PRDM5: variants seen among roughly 807,000 people sequenced by gnomAD.
PRDM5 encodes PR domain zinc finger protein 5.
PRDM5 carries 56 observed loss-of-function variants against 81.2 expected under a neutral mutation model. The observed-to-expected ratio is 0.69, with a 90% CI of 0.56 to 0.86. The LOEUF (loss-of-function observed/expected upper bound fraction) is 0.86. Among genes scored for constraint, PRDM5 ranks in the 40% least tolerant of loss-of-function variants. The pLI, the probability that PRDM5 is intolerant of heterozygous loss-of-function variation, is 0.00. For missense variants in PRDM5, 697 were observed against 770.1 expected, an observed-to-expected ratio of 0.91 and a Z score of 1.12; for synonymous variants, 267 against 256.4, an observed-to-expected ratio of 1.04 and a Z score of -0.39.
At chr4:120,727,301 A>ATG (rs1252221294) in intron 14 of PRDM5, among the ~76,000 whole-genome samples, 10 of 105,818 alleles carry the variant, frequency 9.5e-5, no homozygotes, top group East Asian at 3.3e-4. Context: ...ATGTATGTAT[A>ATG]TATGTGTGTG....
At chr4:120,777,070 A>G in intron 13 of PRDM5, 118 bp downstream of exon 13, 3 of 1,561,376 alleles carry the variant, frequency 1.9e-6, no homozygotes, top group Non-Finnish European at 1.7e-6. Context: ...AGAGAGAGAA[A>G]ACAGCCAAGA....
In PRDM5 at chr4:120,920,295, G is replaced by A. The variant is rs116029166; in HGVS notation, c.93+2221C>T. 6.0e-3 allele frequency among the ~76,000 whole-genome samples: 921 copies of A among 152,240 alleles called. 10 individuals carry two copies. The highest frequency in any genetic ancestry group is 0.022 in the African/African-American group (895 of 41,546). Reference sequence around the variant, plus strand: ...ACAAGCATATGTGTTATAAAAGTGTGGCAAAACATCTGTAATTTCCAACAC... The same window carrying A: ...ACAAGCATATGTGTTATAAAAGTGTAGCAAAACATCTGTAATTTCCAACAC... On this transcript the variant is annotated intron_variant, in intron 1 of 15. Coordinates refer to ENST00000264808, the MANE Select transcript of PRDM5 (RefSeq NM_018699.4).
At chr4:120,781,889 G>T (rs937698759) in intron 11 of PRDM5, among the ~76,000 whole-genome samples, 1 of 152,142 alleles carries the variant, frequency 6.6e-6, no homozygotes, top group Non-Finnish European at 1.5e-5. Context: ...TGGGCAGTTG[G>T]AAAAAGTCTC....
intron 13 of PRDM5, among the ~76,000 whole-genome samples, chr4:120,764,783 T>C (rs190549489): frequency 0.02 from 2,994 of 152,310 alleles, 40 homozygotes; most frequent in Middle Eastern, 0.034. Context: ...TTTATTTCTA[T>C]GTCAATTCTA....
intron 13 of PRDM5, among the ~76,000 whole-genome samples, chr4:120,776,343 C>T (rs1748151365): frequency 6.6e-6 from 1 of 152,128 alleles, no homozygotes; most frequent in African/African-American, 2.4e-5. Context: ...GATTCTTTGG[C>T]CTACTTTAAC....
intron 3 of PRDM5, among the ~76,000 whole-genome samples, chr4:120,842,934 C>T (rs563171036): frequency 6.6e-6 from 1 of 152,258 alleles, no homozygotes; most frequent in East Asian, 1.9e-4. Context: ...AATATATGAG[C>T]CCCATAAGGC....
chr4:120,745,526 G>C (rs1373016353), intron 14 of PRDM5, among the ~76,000 whole-genome samples: 1 of 150,756 alleles, frequency 6.6e-6, no homozygotes, highest in Non-Finnish European at 1.5e-5. Flanking sequence ...TGTATATCTA[G>C]AAAACCCCAT....
intron 2 of PRDM5, among the ~76,000 whole-genome samples, chr4:120,867,649 T>C (rs968451404): frequency 6.6e-5 from 10 of 152,228 alleles, no homozygotes; most frequent in African/African-American, 2.4e-4. Flanking sequence ...AAACTGATGC[T>C]CAAAAGGTAT....
chr4:120,703,281 G>A (rs1033663030), intron 15 of PRDM5, among the ~76,000 whole-genome samples: 2 of 152,092 alleles, frequency 1.3e-5, no homozygotes, highest in African/African-American at 4.8e-5. Flanking sequence ...GAATTCCTAG[G>A]CTCAAGCAAT....
intron 14 of PRDM5, among the ~76,000 whole-genome samples, chr4:120,750,736 C>T (rs994149545): frequency 2.6e-5 from 4 of 151,202 alleles, no homozygotes; most frequent in African/African-American, 9.7e-5. Flanking sequence ...ACAAAACAGA[C>T]ATTCAATCAA....
chr4:120,750,090 C>T (rs556907827), intron 14 of PRDM5, among the ~76,000 whole-genome samples: 2 of 152,090 alleles, frequency 1.3e-5, no homozygotes, highest in South Asian at 2.1e-4. Flanking sequence ...GCTAATATGA[C>T]TGAAAAAGTA....
intron 13 of PRDM5, among the ~76,000 whole-genome samples, chr4:120,765,300 T>TC (rs1449020875): frequency 6.6e-6 from 1 of 152,206 alleles, no homozygotes; most frequent in Non-Finnish European, 1.5e-5. Context: ...GCCTACACAG[T>TC]CGGTATCTAT....
At chr4:120,810,809 C>T (rs1753731108) in intron 8 of PRDM5, among the ~76,000 whole-genome samples, 1 of 152,144 alleles carries the variant, frequency 6.6e-6, no homozygotes, top group South Asian at 2.1e-4. Flanking sequence ...AATCACTAAA[C>T]ATACAAGATA....
intron 6 of PRDM5, 60 bp downstream of exon 6, chr4:120,816,772 A>C: frequency 6.6e-7 from 1 of 1,505,786 alleles, no homozygotes; most frequent in Non-Finnish European, 9.2e-7. Flanking sequence ...GCATGAAAGT[A>C]TGCATGCAAA....
intron 2 of PRDM5, among the ~76,000 whole-genome samples, chr4:120,863,191 T>TACACACACAC (rs370387683): frequency 0.04 from 2,775 of 70,148 alleles, 88 homozygotes; most frequent in Non-Finnish European, 0.056. Flanking sequence ...TATATATATA[T>TACACACACAC]ACACACACAC....
intron 6 of PRDM5, 53 bp downstream of exon 6, chr4:120,816,779 C>A: frequency 6.4e-7 from 1 of 1,553,794 alleles, no homozygotes; most frequent in Non-Finnish European, 8.9e-7. Context: ...AGTATGCATG[C>A]AAAAAATGAC....
intron 8 of PRDM5, among the ~76,000 whole-genome samples, chr4:120,808,567 G>C (rs1054580968): frequency 6.6e-6 from 1 of 152,110 alleles, no homozygotes; most frequent in African/African-American, 2.4e-5. Flanking sequence ...TCCTACACTG[G>C]GGTCACAGGT....
rs1553963977 is a variant in PRDM5 at position 120,774,902 on chromosome 4, A to ATATG, written c.1537+2285_1537+2286insCATA. Among the ~76,000 whole-genome samples, 18 of 146,048 alleles carry ATATG rather than the reference A, an allele frequency of 1.2e-4. 1 individual carries two copies. The highest frequency in any genetic ancestry group is 4.3e-4 in the African/African-American group (17 of 39,878). The stretch of plus-strand genomic sequence containing the variant: ...TCTCTCTCTTTCTATATATATATAT[A>ATATG]TATATGTATATGTATATGTATATAT... On this transcript the variant is annotated intron_variant, in intron 13 of 15. Coordinates refer to ENST00000264808, the MANE Select transcript of PRDM5 (RefSeq NM_018699.4).
intron 7 of PRDM5, among the ~76,000 whole-genome samples, chr4:120,813,473 G>A (rs550267031): frequency 2.4e-4 from 36 of 152,140 alleles, no homozygotes; most frequent in African/African-American, 8.2e-4. Context: ...AAATGATTTC[G>A]TTTTATTATA....
Sources: allele counts gnomAD v4.1 joint callset (sites outside exome capture counted in the v4.1 genomes callset), GRCh38; gene constraint gnomAD v4.1.1; transcripts MANE v1.5; gene names NCBI Gene and HGNC (gene_info 2026-07-23, HGNC 2026-07-21).